The following HS2ST1 variants were observed in gnomAD, a reference collection of about 807,000 sequenced individuals.
HS2ST1 encodes the protein heparan sulfate 2-O-sulfotransferase 1.
A neutral mutation model predicts 42.9 loss-of-function variants in HS2ST1; 18 were observed. The observed-to-expected ratio is 0.42, with a 90% CI of 0.29 to 0.62. The LOEUF (loss-of-function observed/expected upper bound fraction) is 0.62. HS2ST1 is among the 20% of genes least tolerant of loss of function. The pLI, the probability that HS2ST1 is intolerant of heterozygous loss-of-function variation, is 0.21. For missense variants in HS2ST1, 334 were observed against 433.8 expected, an observed-to-expected ratio of 0.77 and a Z score of 2.04; for synonymous variants, 146 against 152.9, an observed-to-expected ratio of 0.95 and a Z score of 0.33.
chr1:87,005,835 T>A (rs995512616), intron 1 of HS2ST1, among the ~76,000 whole-genome samples: 1 of 152,144 alleles, frequency 6.6e-6, no homozygotes, highest in African/African-American at 2.4e-5. Context: ...AGAATTTTTT[T>A]AAGAATCAGT....
intron 1 of HS2ST1, among the ~76,000 whole-genome samples, chr1:86,936,095 G>C (rs1377746113): frequency 8.1e-6 from 1 of 123,674 alleles, no homozygotes; most frequent in Non-Finnish European, 1.7e-5. Flanking sequence ...ATTTCTCTCT[G>C]TCTCTTTGCC....
intron 1 of HS2ST1, among the ~76,000 whole-genome samples, chr1:87,005,759 C>T (rs1570478830): frequency 6.6e-6 from 1 of 152,122 alleles, no homozygotes; most frequent in Non-Finnish European, 1.5e-5. Flanking sequence ...AATCCTTGTT[C>T]TCCTCAGTCA....
In HS2ST1 at chr1:87,099,688, T is replaced by C. The variant is rs547793905; in HGVS notation, c.686+1753T>C. ...CTTCACAGTAGTCCCAAAGTCTTAT[T>C]CCAGCATTAACTCAAAAGTCCCAAG... On this transcript the variant is annotated intron_variant, in intron 5 of 6. Coordinates refer to ENST00000370550, the MANE Select transcript of HS2ST1 (RefSeq NM_012262.4). Among the ~76,000 whole-genome samples the C allele has an allele frequency of 1.2e-3, 183 of 152,334 alleles. 1 individual carries two copies. The highest frequency in any genetic ancestry group is 4.1e-3 in the African/African-American group (172 of 41,578).
chr1:86,943,524 C>T (rs1647226988), intron 1 of HS2ST1, among the ~76,000 whole-genome samples: 1 of 151,970 alleles, frequency 6.6e-6, no homozygotes, highest in South Asian at 2.1e-4. Flanking sequence ...AAGTTTGAGA[C>T]CAGCCTGGGC....
At position 87,104,940 on chromosome 1, in the gene HS2ST1, G is replaced by A. The variant is rs1652298281; in HGVS notation, c.*244G>A. On this transcript the variant is annotated 3_prime_UTR_variant, in exon 7 of 7. Transcript: ENST00000370550. ...GAAAGTTATAACCTCCTGCCTGGGA[G>A]AAAATATACATCACCTAAAATGAAC... The A allele has an allele frequency of 2.4e-6, 1 of 409,776 alleles. No homozygotes were observed. Among genetic ancestry groups the A allele is most frequent in the Non-Finnish European group, 4.3e-6 (1 of 229,930 alleles). 25.4% of individuals were successfully genotyped at this position (409,776 alleles called of 1,614,324 possible). A position where few individuals can be genotyped will look rare whatever the true frequency, so the allele number is the denominator to read the frequency against.
chr1:86,975,005 T>C (rs1648353366), intron 1 of HS2ST1, among the ~76,000 whole-genome samples: 1 of 152,168 alleles, frequency 6.6e-6, no homozygotes, highest in Non-Finnish European at 1.5e-5. Flanking sequence ...TACAGAATTT[T>C]ATTCTTCCCT....
intron 1 of HS2ST1, among the ~76,000 whole-genome samples, chr1:86,963,998 CAG>C (rs1487755039): frequency 6.7e-6 from 1 of 148,806 alleles, no homozygotes; most frequent in African/African-American, 2.5e-5. Context: ...ACTTCTCAGA[CAG>C]GGCGGCCGGG....
At chr1:87,055,245 T>C (rs919847415) in intron 1 of HS2ST1, among the ~76,000 whole-genome samples, 8 of 152,216 alleles carry the variant, frequency 5.3e-5, no homozygotes, top group Non-Finnish European at 1.0e-4. Flanking sequence ...AACTTCAGTG[T>C]AGACTACAAA....
chr1:87,010,756 CTGTTTTGTTTTGTTT>C (rs56184842), intron 1 of HS2ST1, among the ~76,000 whole-genome samples: 116,488 of 149,558 alleles, frequency 0.78, 47,020 homozygotes, highest in East Asian at 0.96. Flanking sequence ...ATAGATTTTA[CTGTTTTGTTTTGTTT>C]TGTTTTGTTT....
chr1:87,105,697 T>A lies in HS2ST1; in HGVS notation c.*1001T>A, dbSNP rs758277870. On this transcript the variant is annotated 3_prime_UTR_variant, in exon 7 of 7. Transcript: ENST00000370550. Reference sequence around the variant, plus strand: ...TGTATTTGGACCAAAAGGTTACAAGTAATTAGACAAAAGTGGTTTTGCACC... The same window carrying A: ...TGTATTTGGACCAAAAGGTTACAAGAAATTAGACAAAAGTGGTTTTGCACC... 2 of 152,510 alleles carry A rather than the reference T, an allele frequency of 1.3e-5. No individual in the cohort carries two copies. The highest frequency in any genetic ancestry group is 2.9e-5 in the Non-Finnish European group (2 of 67,926). The allele number at this position is 152,510 out of a possible 1,614,324, so 9.4% of individuals were successfully genotyped here.
intron 1 of HS2ST1, among the ~76,000 whole-genome samples, chr1:86,981,593 C>T (rs768829774): frequency 1.3e-5 from 2 of 152,194 alleles, no homozygotes; most frequent in African/African-American, 2.4e-5. Context: ...GTCAGAAACC[C>T]GGCCAGGCAG....
intron 1 of HS2ST1, among the ~76,000 whole-genome samples, chr1:87,055,358 A>C (rs930749243): frequency 6.6e-6 from 1 of 152,182 alleles, no homozygotes; most frequent in Non-Finnish European, 1.5e-5. Context: ...GCCTAGAGAC[A>C]GTACCTTAGC....
At chr1:86,960,300 G>A (rs1647800583) in intron 1 of HS2ST1, among the ~76,000 whole-genome samples, 1 of 150,074 alleles carries the variant, frequency 6.7e-6, no homozygotes, top group Non-Finnish European at 1.5e-5. Context: ...GTGAATTGTA[G>A]CCTTTAATGT....
At chr1:86,972,848 A>AG (rs1160997867) in intron 1 of HS2ST1, among the ~76,000 whole-genome samples, 1 of 152,232 alleles carries the variant, frequency 6.6e-6, no homozygotes, top group Non-Finnish European at 1.5e-5. Context: ...GATATAATCC[A>AG]GGATTGCACA....
chr1:86,928,318 T>G (rs569246977), intron 1 of HS2ST1, among the ~76,000 whole-genome samples: 1 of 152,170 alleles, frequency 6.6e-6, no homozygotes, highest in South Asian at 2.1e-4. Context: ...TGGATTAAAA[T>G]CAATAAAATC....
At position 87,106,141 on chromosome 1, in the gene HS2ST1, A is replaced by C. The variant is rs1455301454; in HGVS notation, c.*1445A>C. On this transcript the variant is annotated 3_prime_UTR_variant, in exon 7 of 7. Coordinates refer to ENST00000370550, the MANE Select transcript of HS2ST1 (RefSeq NM_012262.4). ...TTTAACATATAGTTTCATACCATTC[A>C]TTTTTTAACAAAGAAAGGGAAAAGT... 2 of 152,640 alleles carry C rather than the reference A, an allele frequency of 1.3e-5. No individual in the cohort carries two copies. Among genetic ancestry groups the C allele is most frequent in the African/African-American group, 4.8e-5 (2 of 41,576 alleles). 9.5% of individuals were successfully genotyped at this position (152,640 alleles called of 1,614,324 possible).
intron 1 of HS2ST1, among the ~76,000 whole-genome samples, chr1:86,948,687 T>C (rs1029239939): frequency 1.3e-5 from 2 of 152,234 alleles, no homozygotes; most frequent in African/African-American, 4.8e-5. Flanking sequence ...AAGGTGTTGC[T>C]ACATTCAAAA....
At chr1:87,041,717 T>C (rs1209402625) in intron 1 of HS2ST1, among the ~76,000 whole-genome samples, 29 of 152,184 alleles carry the variant, frequency 1.9e-4, no homozygotes, top group Admixed American at 1.8e-3. Flanking sequence ...TTATTTCACT[T>C]GGCATAATGT....
At chr1:87,100,219 A>C (rs1428688454) in intron 5 of HS2ST1, among the ~76,000 whole-genome samples, 1 of 152,112 alleles carries the variant, frequency 6.6e-6, no homozygotes, top group Non-Finnish European at 1.5e-5. Context: ...TGGAATCTGC[A>C]ATCTAGGTGG....
Sources: gnomAD v4.1 joint callset for allele counts (sites outside exome capture counted in the v4.1 genomes callset) on GRCh38, gnomAD v4.1.1 for gene constraint, MANE v1.5 for transcripts, NCBI Gene and HGNC (gene_info 2026-07-23, HGNC 2026-07-21) for gene names.